PYGO1: variants seen among roughly 807,000 people sequenced by gnomAD.
The protein encoded by PYGO1 is pygopus homolog 1.
Under a neutral mutation model 29.5 loss-of-function variants are expected in PYGO1, and 6 were observed. The observed-to-expected ratio is 0.20, with a 90% CI of 0.11 to 0.40. The LOEUF (loss-of-function observed/expected upper bound fraction) is 0.40. Among genes scored for constraint, PYGO1 ranks in the 10% least tolerant of loss-of-function variants. The pLI is 1.00. For missense variants in PYGO1, 515 were observed against 514.9 expected (o/e 1.00, Z 0.00); for synonymous variants, 186 against 180.5 (o/e 1.03, Z -0.24).
chr15:55,549,209 C>T (rs2058867967), intron 1 of PYGO1, among the ~76,000 whole-genome samples: 1 of 152,112 alleles, frequency 6.6e-6, no homozygotes, highest in South Asian at 2.1e-4. Context: ...ATTATTCTTT[C>T]AGTGAAAAAG....
At chr15:55,573,131 CCT>C (rs1027159489) in intron 1 of PYGO1, among the ~76,000 whole-genome samples, 1 of 151,962 alleles carries the variant, frequency 6.6e-6, no homozygotes, top group Non-Finnish European at 1.5e-5. Context: ...ATGGTGAAAC[CCT>C]GTCTCTACTA....
chr15:55,580,785 G>T (rs1595995122), intron 1 of PYGO1, among the ~76,000 whole-genome samples: 2 of 152,250 alleles, frequency 1.3e-5, no homozygotes, highest in South Asian at 4.1e-4. Context: ...ATACTTTAAG[G>T]CTAATTTTGA....
chr15:55,561,007 A>G (rs899174909), intron 1 of PYGO1, among the ~76,000 whole-genome samples: 3 of 152,166 alleles, frequency 2.0e-5, no homozygotes, highest in Non-Finnish European at 4.4e-5. Flanking sequence ...ATATGGAACC[A>G]GAAAAGAGCC....
chr15:55,565,094 A>G (rs976171682), intron 1 of PYGO1, among the ~76,000 whole-genome samples: 3 of 152,190 alleles, frequency 2.0e-5, no homozygotes, highest in African/African-American at 7.2e-5. Context: ...TTGCTCTTAG[A>G]AGGTTCATGT....
In PYGO1 at chr15:55,560,280, C is replaced by A. The variant is rs2058927469; in HGVS notation, c.50-11285G>T. On this transcript the variant is annotated intron_variant, in intron 1 of 2. Transcript: ENST00000563719. Reference sequence around the variant, plus strand: ...TAGATGACATGATATATCTAGAAAACCCCATCGTCTCAGCTCAAAAGCTTC... The same window carrying A: ...TAGATGACATGATATATCTAGAAAAACCCATCGTCTCAGCTCAAAAGCTTC... Among the ~76,000 whole-genome samples, 3 of 152,100 alleles carry A rather than the reference C, an allele frequency of 2.0e-5. No individual in the cohort carries two copies. The South Asian group carries it at 6.2e-4, about 32-fold the overall frequency.
At chr15:55,555,346 G>C (rs951099060) in intron 1 of PYGO1, among the ~76,000 whole-genome samples, 2 of 151,858 alleles carry the variant, frequency 1.3e-5, no homozygotes, top group African/African-American at 4.8e-5. Flanking sequence ...CCTTGCAAGA[G>C]CTCCTGAAGG....
intron 1 of PYGO1, among the ~76,000 whole-genome samples, chr15:55,573,537 T>G (rs1339429240): frequency 1.3e-5 from 2 of 152,078 alleles, no homozygotes; most frequent in Non-Finnish European, 1.5e-5. Context: ...TTATGTGCAC[T>G]CCCATGTTTG....
chr15:55,574,087 T>C (rs933406081), intron 1 of PYGO1, among the ~76,000 whole-genome samples: 1 of 152,178 alleles, frequency 6.6e-6, no homozygotes, highest in Non-Finnish European at 1.5e-5. Context: ...TGGCACTTTA[T>C]ATGGGTCCCA....
At chr15:55,576,033 AT>A (rs2059000132) in intron 1 of PYGO1, among the ~76,000 whole-genome samples, 1 of 152,178 alleles carries the variant, frequency 6.6e-6, no homozygotes, top group South Asian at 2.1e-4. Flanking sequence ...AATACTTTAT[AT>A]TATTTGTTAA....
intron 1 of PYGO1, among the ~76,000 whole-genome samples, chr15:55,576,661 C>T (rs1355382820): frequency 2.7e-5 from 4 of 147,236 alleles, no homozygotes; most frequent in Non-Finnish European, 5.9e-5. Flanking sequence ...ATCCCAGCTA[C>T]TCGGGAGGCT....
intron 1 of PYGO1, among the ~76,000 whole-genome samples, chr15:55,575,276 T>G (rs2058996639): frequency 6.6e-6 from 1 of 152,222 alleles, no homozygotes; most frequent in Non-Finnish European, 1.5e-5. Context: ...ATAAAGCCCA[T>G]GAACTTGGAT....
rs1392643905 is a variant in PYGO1, at chr15:55,541,597, A to G, written c.*4426T>C. 1.3e-5 allele frequency: 2 copies of G among 152,242 alleles called. No individual in the cohort carries two copies. The highest frequency in any genetic ancestry group is 4.8e-5 in the African/African-American group (2 of 41,472). The allele number at this position is 152,242 out of a possible 1,614,324, so 9.4% of individuals were successfully genotyped here. On this transcript the variant is annotated 3_prime_UTR_variant, in exon 3 of 3. Coordinates refer to ENST00000563719, the MANE Select transcript of PYGO1 (RefSeq NM_001367806.1). The stretch of plus-strand genomic sequence containing the variant: ...TTCCCACTATCTTCATTCATACCTT[A>G]GTAGAAAATGCTTTTCTCTTAAAGT...
At chr15:55,586,065 T>C (rs1482116931) in intron 1 of PYGO1, among the ~76,000 whole-genome samples, 1 of 152,234 alleles carries the variant, frequency 6.6e-6, no homozygotes, top group Non-Finnish European at 1.5e-5. Flanking sequence ...TGGATGTCTT[T>C]TGGATTGTGT....
chr15:55,555,004 C>A (rs1192903709), intron 1 of PYGO1, among the ~76,000 whole-genome samples: 1 of 151,918 alleles, frequency 6.6e-6, no homozygotes, highest in African/African-American at 2.4e-5. Flanking sequence ...TCAGGAAATC[C>A]AGAGAACCCC....
intron 1 of PYGO1, among the ~76,000 whole-genome samples, chr15:55,566,607 G>A (rs1014910296): frequency 5.3e-5 from 8 of 152,118 alleles, no homozygotes; most frequent in Non-Finnish European, 8.8e-5. Flanking sequence ...GGGGATAGCT[G>A]GGTTGAACAG....
chr15:55,578,933 T>A (rs961022326), intron 1 of PYGO1, among the ~76,000 whole-genome samples: 3 of 152,192 alleles, frequency 2.0e-5, no homozygotes, highest in African/African-American at 7.2e-5. Flanking sequence ...CTCCCTAAAA[T>A]CTGATCCATA....
intron 1 of PYGO1, among the ~76,000 whole-genome samples, chr15:55,568,183 G>A (rs1410636247): frequency 6.6e-6 from 1 of 152,150 alleles, no homozygotes. Context: ...CTATTTTAAT[G>A]AGATTGATTC....
chr15:55,579,360 C>T (rs989044499), intron 1 of PYGO1, among the ~76,000 whole-genome samples: 24 of 152,018 alleles, frequency 1.6e-4, no homozygotes, highest in East Asian at 7.7e-4. Flanking sequence ...CAAACGAAGG[C>T]GCCAAACCTC....
In PYGO1 at chr15:55,539,066, C is replaced by T. The variant is rs2058818439; in HGVS notation, c.*6957G>A. 1 of 152,136 alleles carries T rather than the reference C, an allele frequency of 6.6e-6. No individual in the cohort carries two copies. The highest frequency in any genetic ancestry group is 1.5e-5 in the Non-Finnish European group (1 of 68,026). 9.4% of individuals were successfully genotyped at this position (152,136 alleles called of 1,614,324 possible). A position where few individuals can be genotyped will look rare whatever the true frequency, so the allele number is the denominator to read the frequency against. ...GCACAAATAACATTAAGCATTATCC[C>T]TGAAAAGAATGGCCAACAATAACAT... On this transcript the variant is annotated 3_prime_UTR_variant, in exon 3 of 3. Coordinates refer to ENST00000563719, the MANE Select transcript of PYGO1 (RefSeq NM_001367806.1).
Sources: allele counts gnomAD v4.1 joint callset (sites outside exome capture counted in the v4.1 genomes callset), GRCh38; gene constraint gnomAD v4.1.1; transcripts MANE v1.5; gene names NCBI Gene and HGNC (gene_info 2026-07-23, HGNC 2026-07-21).